Variants in SLC17A1 observed in about 807,000 individuals in gnomAD.
The protein encoded by SLC17A1 is solute carrier family 17 member 1.
Under a neutral mutation model 53.5 loss-of-function variants are expected in SLC17A1, and 51 were observed. That is an observed-to-expected ratio of 0.95 (90% CI 0.76 to 1.20). The LOEUF (loss-of-function observed/expected upper bound fraction) is 1.20, where lower values mean the gene tolerates loss of function less well. SLC17A1 is among the 50% of genes most tolerant of loss of function. The probability of loss-of-function intolerance (pLI) is 0.00; values close to 1 mark genes in which losing one functional copy is unlikely to be tolerated. For missense variants in SLC17A1, 538 were observed against 568.2 expected (o/e 0.95, Z 0.54); for synonymous variants, 179 against 198.8 (o/e 0.90, Z 0.84).
chr6:25,781,130 C>T (rs1763256792), downstream of SLC17A1: 1 of 148,316 alleles, frequency 6.7e-6, no homozygotes, highest in South Asian at 2.1e-4. Flanking sequence ...GGGAATAAGC[C>T]TTAAAGAATT....
the SLC17A1 span, chr6:25,726,992 C>T: frequency 1.7e-5 from 28 of 1,614,002 alleles, no homozygotes; most frequent in African/African-American, 2.7e-5. Context: ...AAAAGGAAGG[C>T]AAAAAGCGCA....
chr6:25,744,915 C>T, the SLC17A1 span, among the ~76,000 whole-genome samples: 2 of 152,102 alleles, frequency 1.3e-5, no homozygotes, highest in Non-Finnish European at 2.9e-5. Flanking sequence ...TTTCAGTACC[C>T]CAAAACTATT....
At position 25,798,874 on chromosome 6, in the gene SLC17A1, T is replaced by A. The variant is rs753482028; in HGVS notation, c.1315A>T (p.Ile439Phe). Residue 439 changes from isoleucine (I) to phenylalanine (F), a missense_variant, in exon 12 of 13, where the codon ATT (isoleucine) becomes TTT (phenylalanine). By Grantham distance (21) the Ile-to-Phe change is conservative. Transcript: ENST00000244527. ...WFKTFILMAA[I>F]NVTGLIFYLI... ...TAGAAAATTAGGCCAGTCACATTAA[T>A]GGCTGCCATCAGGATGAAGGTTTTA... 25 of 1,607,014 alleles carry A rather than the reference T, an allele frequency of 1.6e-5. No homozygotes were observed. The highest frequency in any genetic ancestry group is 2.1e-5 in the Non-Finnish European group (25 of 1,175,336).
the SLC17A1 span, among the ~76,000 whole-genome samples, chr6:25,768,707 A>G: frequency 6.6e-6 from 1 of 151,958 alleles, no homozygotes; most frequent in Non-Finnish European, 1.5e-5. Flanking sequence ...TCCTATTCTA[A>G]TCTTCTCATC....
chr6:25,823,308 C>T (rs1764627524), intron 3 of SLC17A1, among the ~76,000 whole-genome samples: 1 of 152,076 alleles, frequency 6.6e-6, no homozygotes, highest in African/African-American at 2.4e-5. Context: ...TGGACATATG[C>T]TTTTATTTCT....
chr6:25,781,266 A>G (rs1763263281), downstream of SLC17A1: 1 of 151,940 alleles, frequency 6.6e-6, no homozygotes, highest in African/African-American at 2.4e-5. Context: ...AGGAAAGAAA[A>G]ACAAAAGAAA....
At chr6:25,826,663 C>G in intron 2 of SLC17A1, 30 bp from the exon 3 acceptor site, 1 of 1,498,752 alleles carries the variant, frequency 6.7e-7, no homozygotes. Context: ...GTCGCAATTG[C>G]TGACAGAGCT....
chr6:25,811,340 A>G (rs1764147620), intron 10 of SLC17A1, 58 bp downstream of exon 10: 1 of 1,508,420 alleles, frequency 6.6e-7, no homozygotes, highest in Non-Finnish European at 9.0e-7. Context: ...TGTGCACAAT[A>G]AATATATACA....
In SLC17A1 at chr6:25,830,564, C is replaced by T; in HGVS notation, c.-7G>A. Reference sequence around the variant, plus strand: ...ACCGGTTATCCATTTGCATACACGGCTGAAGTTGCTTCTCTTCTTGCTGAA... The same window carrying T: ...ACCGGTTATCCATTTGCATACACGGTTGAAGTTGCTTCTCTTCTTGCTGAA... On this transcript the variant is annotated 5_prime_UTR_variant, in exon 2 of 13. Transcript: ENST00000244527. The T allele has an allele frequency of 6.2e-7, 1 of 1,613,920 alleles. No individual in the cohort carries two copies. The highest frequency in any genetic ancestry group is 2.2e-5 in the East Asian group (1 of 44,882).
intron 10 of SLC17A1, among the ~76,000 whole-genome samples, chr6:25,809,143 A>G (rs368425045): frequency 7.2e-5 from 11 of 152,032 alleles, no homozygotes; most frequent in African/African-American, 2.2e-4. Flanking sequence ...GAAACAACTC[A>G]GAAACAGAAA....
chr6:25,815,867 C>T (rs371240643), intron 6 of SLC17A1, among the ~76,000 whole-genome samples: 1 of 151,602 alleles, frequency 6.6e-6, no homozygotes. Context: ...GCAAGGGGAC[C>T]CCTGCCCTTG....
the SLC17A1 span, among the ~76,000 whole-genome samples, chr6:25,764,606 G>A: frequency 6.6e-6 from 1 of 152,322 alleles, no homozygotes; most frequent in African/African-American, 2.4e-5. Flanking sequence ...CTTGAGGCAG[G>A]GTGCAGTGTT....
At chr6:25,781,709 C>T (rs1222576616), downstream of SLC17A1, among the ~76,000 whole-genome samples, 1 of 151,818 alleles carries the variant, frequency 6.6e-6, no homozygotes, top group African/African-American at 2.4e-5. Context: ...GAGGAGGTGC[C>T]AGGTTTTTTT....
the SLC17A1 span, chr6:25,762,080 G>A: frequency 6.3e-7 from 1 of 1,594,138 alleles, no homozygotes; most frequent in Non-Finnish European, 8.6e-7. Flanking sequence ...TAATCTGGTA[G>A]TAAATAAAAC....
chr6:25,726,679 A>G, the SLC17A1 span: 3 of 1,125,650 alleles, frequency 2.7e-6, no homozygotes, highest in Non-Finnish European at 3.8e-6. Context: ...CCTCATTTGC[A>G]TTCACGCCAC....
the SLC17A1 span, among the ~76,000 whole-genome samples, chr6:25,751,913 G>A: frequency 6.6e-6 from 1 of 152,186 alleles, no homozygotes; most frequent in East Asian, 1.9e-4. Flanking sequence ...GGCCAGAAAT[G>A]TGTAGGCCCC....
intron 10 of SLC17A1, among the ~76,000 whole-genome samples, chr6:25,805,679 T>G (rs899051284): frequency 9.9e-5 from 15 of 151,826 alleles, no homozygotes; most frequent in African/African-American, 3.6e-4. Context: ...GAAATGAAAT[T>G]GGAGACATTG....
At chr6:25,778,032 C>CTGATGAATAGTCA, downstream of SLC17A1, 1 of 1,589,246 alleles carries the variant, frequency 6.3e-7, no homozygotes, top group Non-Finnish European at 8.6e-7. Context: ...GTCAAATGTT[C>CTGATGAATAGTCA]TGATGAATAT....
chr6:25,812,912 A>G lies in SLC17A1; in HGVS notation c.816T>C (p.Phe272=), dbSNP rs902289445. 22 of 1,613,470 alleles carry G rather than the reference A, an allele frequency of 1.4e-5. No individual in the cohort carries two copies. The highest frequency in any genetic ancestry group is 1.7e-5 in the Non-Finnish European group (20 of 1,179,462). Reference sequence around the variant, plus strand: ...TGATGTTATGTGACCAGAAAAACGTAAAACTACCAGTGGAAATAGCCCAGA... The same window carrying G: ...TGATGTTATGTGACCAGAAAAACGTGAAACTACCAGTGGAAATAGCCCAGA... The part of the protein sequence containing the change: ...LPVWAISTGS[F]TFFWSHNIMT... Residue 272 remains phenylalanine, a synonymous_variant, in exon 8 of 13, where the codon TTT becomes TTC. Transcript: ENST00000244527.
Sources: gnomAD v4.1 joint callset for allele counts (sites outside exome capture counted in the v4.1 genomes callset) on GRCh38, gnomAD v4.1.1 for gene constraint, MANE v1.5 for transcripts, NCBI Gene and HGNC (gene_info 2026-07-23, HGNC 2026-07-21) for gene names.